The following GRM5 variants were observed in gnomAD, a reference collection of about 807,000 sequenced individuals.
GRM5 encodes the protein metabotropic glutamate receptor 5.
Under a neutral mutation model 83.1 loss-of-function variants are expected in GRM5, and 19 were observed. The ratio of observed to expected loss-of-function variants is 0.23; its 90% CI spans 0.16 to 0.34. GRM5 has a LOEUF of 0.34. Among genes scored for constraint, GRM5 ranks in the 10% least tolerant of loss-of-function variants. GRM5 has a pLI of 1.00. For synonymous variants in GRM5, 675 were observed against 633.6 expected (o/e 1.07, Z -0.98); for missense variants, 1,160 against 1,588.3 (o/e 0.73, Z 4.58).
intron 3 of GRM5, among the ~76,000 whole-genome samples, chr11:88,803,378 A>G (rs1193825732): frequency 1.1e-4 from 17 of 152,034 alleles, no homozygotes; most frequent in South Asian, 2.1e-4. Context: ...CAGAAATAAC[A>G]CCGCATATCT....
At chr11:88,946,067 G>T (rs574722038) in intron 2 of GRM5, among the ~76,000 whole-genome samples, 1 of 152,098 alleles carries the variant, frequency 6.6e-6, no homozygotes, top group South Asian at 2.1e-4. Flanking sequence ...CCATTAAAAA[G>T]TGAGTGAATG....
At chr11:88,812,307 G>A (rs772178997) in intron 3 of GRM5, among the ~76,000 whole-genome samples, 13 of 152,018 alleles carry the variant, frequency 8.6e-5, no homozygotes, top group South Asian at 2.1e-4. Context: ...ATAGTGATAC[G>A]TCAACTGCAA....
intron 2 of GRM5, among the ~76,000 whole-genome samples, chr11:89,008,351 C>T (rs1188691170): frequency 1.3e-5 from 2 of 152,096 alleles, no homozygotes; most frequent in East Asian, 1.9e-4. Flanking sequence ...GCTCAGATCT[C>T]TATCATAAAT....
rs549359492 is a variant in GRM5 at position 88,544,518 on chromosome 11, CCT to C, written c.2631-19116_2631-19115del. ...CTCCTTGAGTGAAACTCCCCACTAA[CCT>C]CTGTTTTGGGCTTTCTCCCCACTCC... On this transcript the variant is annotated intron_variant, in intron 8 of 9. Transcript: ENST00000305447. Among the ~76,000 whole-genome samples the C allele has an allele frequency of 3.4e-3, 518 of 152,308 alleles. 3 individuals are homozygous for C. Among genetic ancestry groups the C allele is most frequent in the Admixed American group, 5.7e-3 (87 of 15,294 alleles).
intron 2 of GRM5, among the ~76,000 whole-genome samples, chr11:88,892,520 G>T (rs551570824): frequency 6.6e-5 from 10 of 151,848 alleles, no homozygotes; most frequent in Non-Finnish European, 1.3e-4. Context: ...GCCTATGTAG[G>T]GATAATTATT....
chr11:88,771,134 C>A (rs528192553), intron 3 of GRM5, among the ~76,000 whole-genome samples: 1 of 151,934 alleles, frequency 6.6e-6, no homozygotes, highest in Non-Finnish European at 1.5e-5. Flanking sequence ...CCTGGCCTGT[C>A]GAGTATGGTA....
In GRM5 at chr11:88,567,971, T is replaced by C. The variant is rs202029259; in HGVS notation, c.1712A>G (p.Gln571Arg). ...TTCAGGGTCACCCCATCGAAGATAC[T>C]GTACTGGGATCAAGTCACAACCTGC... ...DLTGCDLIPV[Q>R]YLRWGDPEPI... Residue 571 changes from glutamine to arginine, a missense_variant, in exon 8 of 10, where the codon CAG (glutamine) becomes CGG (arginine). Gln to Arg is a conservative substitution (Grantham distance 43). Coordinates refer to ENST00000305447, the MANE Select transcript of GRM5 (RefSeq NM_001143831.3). The surrounding 1 kb of genome is among the most constrained non-coding windows in gnomAD (Gnocchi z 7.3). 2.2e-5 allele frequency: 36 copies of C among 1,612,270 alleles called. No individual in the cohort carries two copies. The highest frequency in any genetic ancestry group is 3.0e-5 in the Non-Finnish European group (35 of 1,178,698).
intron 2 of GRM5, among the ~76,000 whole-genome samples, chr11:88,990,204 CA>C (rs1939915750): frequency 6.9e-6 from 1 of 144,224 alleles, no homozygotes; most frequent in Admixed American, 6.9e-5. Flanking sequence ...CACAGAAATA[CA>C]AACTACCATC....
At chr11:88,762,183 G>A (rs1942533827) in intron 3 of GRM5, among the ~76,000 whole-genome samples, 2 of 151,886 alleles carry the variant, frequency 1.3e-5, no homozygotes, top group African/African-American at 4.8e-5. Context: ...CAAAAACTGA[G>A]AAATGAGATC....
intron 7 of GRM5, among the ~76,000 whole-genome samples, chr11:88,587,717 GTA>G (rs2135202715): frequency 6.6e-6 from 1 of 152,158 alleles, no homozygotes; most frequent in Admixed American, 6.6e-5. Flanking sequence ...GTGAACATCT[GTA>G]TATCTCTAAA....
chr11:88,687,579 A>ATATTATATATATAT (rs1250226972), intron 3 of GRM5, among the ~76,000 whole-genome samples: 1 of 46,880 alleles, frequency 2.1e-5, no homozygotes, highest in African/African-American at 2.0e-4. Context: ...ATATATATAT[A>ATATTATATATATAT]ATATATATAT....
At position 88,567,800 on chromosome 11, in the gene GRM5, C is replaced by T; in HGVS notation, c.1883G>A (p.Gly628Asp). 2 of 1,614,034 alleles carry T rather than the reference C, an allele frequency of 1.2e-6. No individual in the cohort carries two copies. The highest frequency in any genetic ancestry group is 1.1e-5 in the South Asian group (1 of 91,084). The change falls in exon 8 of 10, where the codon GGC becomes GAC. Residue 628 changes from glycine to aspartate, a missense_variant. Gly to Asp is a moderately conservative substitution (Grantham distance 94). Transcript: ENST00000305447. This position sits in a 1 kb window ranked among gnomAD's most constrained non-coding sequence, Gnocchi z 7.3. ...AATGAGGCAGAAGGTACATAAGTAG[C>T]CCAGGCAGATGCCAGCAAGGATAAT... ...CYIILAGICLGYLCTFCLIAK... is the reference protein window; with the variant it reads ...CYIILAGICLDYLCTFCLIAK...
intron 2 of GRM5, among the ~76,000 whole-genome samples, chr11:88,895,083 T>C (rs765397618): frequency 6.6e-6 from 1 of 151,944 alleles, no homozygotes; most frequent in African/African-American, 2.4e-5. Context: ...GGAATTAAGT[T>C]AGTGTAAATT....
At chr11:89,000,442 G>A (rs1026538789) in intron 2 of GRM5, among the ~76,000 whole-genome samples, 1 of 151,906 alleles carries the variant, frequency 6.6e-6, no homozygotes, top group African/African-American at 2.4e-5. Context: ...TTTGACAAAG[G>A]TATTAAAACA....
chr11:88,744,172 G>T (rs6483416), intron 3 of GRM5, among the ~76,000 whole-genome samples: 83,254 of 151,660 alleles, frequency 0.55, 24,244 homozygotes, highest in South Asian at 0.82. Flanking sequence ...TCTTCTTTCA[G>T]TGGAAAGCCA....
chr11:88,652,223 G>C lies in GRM5; in HGVS notation c.1147+945C>G, dbSNP rs117213553. On this transcript the variant is annotated intron_variant, in intron 4 of 9. Transcript: ENST00000305447. ...TTGAACAATGTTTCATGTTCAATTT[G>C]CATTTTCCTGCAATGCAAATGCATA... Among the ~76,000 whole-genome samples, 648 of 152,110 alleles carry C rather than the reference G, an allele frequency of 4.3e-3. 12 individuals are homozygous for C. The East Asian group carries it at 0.066, about 15-fold the overall frequency.
chr11:88,813,891 T>C (rs2135500457), intron 3 of GRM5, among the ~76,000 whole-genome samples: 1 of 152,230 alleles, frequency 6.6e-6, no homozygotes, highest in Admixed American at 6.5e-5. Context: ...CTCATTTGAC[T>C]CCACCTATAT....
At chr11:88,755,515 A>G (rs1942378209) in intron 3 of GRM5, among the ~76,000 whole-genome samples, 1 of 152,078 alleles carries the variant, frequency 6.6e-6, no homozygotes, top group African/African-American at 2.4e-5. Flanking sequence ...GAAAATCAGT[A>G]TTTTCATTTT....
intron 3 of GRM5, among the ~76,000 whole-genome samples, chr11:88,680,960 A>C (rs1940469758): frequency 6.6e-6 from 1 of 152,182 alleles, no homozygotes; most frequent in Non-Finnish European, 1.5e-5. Flanking sequence ...ATGAGAGACA[A>C]TTACAGTAGG....
Sources: gnomAD v4.1 joint callset for allele counts (sites outside exome capture counted in the v4.1 genomes callset) on GRCh38, gnomAD v4.1.1 for gene constraint, Gnocchi (gnomAD v3.1) non-coding constraint, MANE v1.5 for transcripts, NCBI Gene and HGNC (gene_info 2026-07-23, HGNC 2026-07-21) for gene names.